Variants in OXR1 observed in about 807,000 individuals in gnomAD.
OXR1 encodes the protein oxidation resistance 1.
OXR1 carries 41 observed loss-of-function variants against 104.6 expected under a neutral mutation model. The observed-to-expected ratio is 0.39, with a 90% CI of 0.31 to 0.51. The LOEUF (loss-of-function observed/expected upper bound fraction) is 0.51, where lower values mean the gene tolerates loss of function less well. Among genes scored for constraint, OXR1 ranks in the 20% least tolerant of loss-of-function variants. The pLI, the probability that OXR1 is intolerant of heterozygous loss-of-function variation, is 0.77. For missense variants in OXR1, 955 were observed against 1,031.9 expected (o/e 0.93, Z 1.02); for synonymous variants, 348 against 348.4 (o/e 1.00, Z 0.01).
intron 3 of OXR1, among the ~76,000 whole-genome samples, chr8:106,604,002 G>A (rs1346917444): frequency 2.0e-5 from 3 of 152,102 alleles, no homozygotes; most frequent in South Asian, 4.1e-4. Flanking sequence ...GCAGTGAGCC[G>A]AGATAGTGCC....
intron 3 of OXR1, among the ~76,000 whole-genome samples, chr8:106,525,370 A>G (rs1813580403): frequency 6.6e-6 from 1 of 152,314 alleles, no homozygotes; most frequent in Admixed American, 6.5e-5. Flanking sequence ...CCTAGATAGG[A>G]TCCAGACCCA....
chr8:106,298,838 A>G (rs1360955292), intron 1 of OXR1, among the ~76,000 whole-genome samples: 1 of 152,178 alleles, frequency 6.6e-6, no homozygotes, highest in Non-Finnish European at 1.5e-5. Context: ...ACCTTTACTA[A>G]TCTGTCCAGA....
intron 7 of OXR1, among the ~76,000 whole-genome samples, chr8:106,701,268 CAT>C (rs1830563385): frequency 6.6e-6 from 1 of 152,228 alleles, no homozygotes; most frequent in Non-Finnish European, 1.5e-5. Flanking sequence ...TGCACACACA[CAT>C]ATACTCTTCT....
Position 106,689,249 on chromosome 8 carries a change from A to G in OXR1, c.526-3479A>G, listed in dbSNP as rs538121660. Among the ~76,000 whole-genome samples the G allele has an allele frequency of 1.7e-4, 26 of 152,090 alleles. No individual in the cohort carries two copies. In the South Asian group the frequency reaches 5.0e-3, roughly 29 times the overall value. On this transcript the variant is annotated intron_variant, in intron 6 of 16. Transcript: ENST00000517566. The stretch of plus-strand genomic sequence containing the variant: ...TTGCCAAGTATCATTGGCATTCCTT[A>G]TCTTGTAAATATATCACCACTTTCT...
intron 1 of OXR1, among the ~76,000 whole-genome samples, chr8:106,293,047 A>G (rs1000628792): frequency 2.0e-5 from 3 of 152,198 alleles, no homozygotes; most frequent in Admixed American, 1.3e-4. Flanking sequence ...AGGTAGCTGG[A>G]TCTGGGATAT....
At chr8:106,584,551 C>T (rs3101536) in intron 3 of OXR1, among the ~76,000 whole-genome samples, 52,239 of 151,858 alleles carry the variant, frequency 0.34, 9,355 homozygotes, top group African/African-American at 0.44. Flanking sequence ...TGACATAGGA[C>T]TTCTCTATAG....
At chr8:106,660,994 G>A (rs530883998) in intron 3 of OXR1, among the ~76,000 whole-genome samples, 264 of 151,518 alleles carry the variant, frequency 1.7e-3, no homozygotes, top group Admixed American at 3.9e-3. Flanking sequence ...GCCACAGAAC[G>A]AGACTCCATC....
intron 3 of OXR1, among the ~76,000 whole-genome samples, chr8:106,671,044 C>CAAAAAAAAAAAAAAAAAAAAAAAAA (rs60404483): frequency 3.5e-4 from 17 of 48,924 alleles, no homozygotes; most frequent in African/African-American, 9.8e-4. Context: ...GACTCTGTCT[C>CAAAAAAAAAAAAAAAAAAAAAAAAA]AAAAAAAAAA....
chr8:106,446,530 A>C (rs1178923480), intron 2 of OXR1, among the ~76,000 whole-genome samples: 2 of 151,768 alleles, frequency 1.3e-5, no homozygotes, highest in Non-Finnish European at 2.9e-5. Context: ...AGGCAAGAAA[A>C]TTGCTTGAAC....
At chr8:106,336,982 T>C (rs1057016625) in intron 1 of OXR1, among the ~76,000 whole-genome samples, 1 of 152,252 alleles carries the variant, frequency 6.6e-6, no homozygotes, top group African/African-American at 2.4e-5. Flanking sequence ...AATAAAACTG[T>C]ACTTATATTT....
chr8:106,429,558 G>A lies in OXR1; in HGVS notation c.23+69922G>A, dbSNP rs1367380496. 2.0e-5 allele frequency among the ~76,000 whole-genome samples: 3 copies of A among 151,708 alleles called. 1 individual carries two copies. The South Asian group carries it at 6.2e-4, about 31-fold the overall frequency. ...GCCTGTAATCCCAGCTACTTGAGGA[G>A]CCTGAGGCAGGAGAATCACTTGAAC... On this transcript the variant is annotated intron_variant, in intron 2 of 16. Transcript: ENST00000517566.
chr8:106,600,409 C>G (rs1819886286), intron 3 of OXR1, among the ~76,000 whole-genome samples: 1 of 152,176 alleles, frequency 6.6e-6, no homozygotes, highest in African/African-American at 2.4e-5. Flanking sequence ...GGCCTAGGTT[C>G]TTTCTTGAGC....
At chr8:106,378,580 G>T (rs1817002995) in intron 2 of OXR1, among the ~76,000 whole-genome samples, 1 of 152,152 alleles carries the variant, frequency 6.6e-6, no homozygotes, top group African/African-American at 2.4e-5. Flanking sequence ...CACGATCTCG[G>T]CTCACCACAA....
chr8:106,591,654 G>T (rs1052338698), intron 3 of OXR1, among the ~76,000 whole-genome samples: 2 of 152,154 alleles, frequency 1.3e-5, no homozygotes, highest in East Asian at 1.9e-4. Context: ...TAACACAGCT[G>T]GGAATCATAA....
chr8:106,362,121 C>T (rs1011866457), intron 2 of OXR1, among the ~76,000 whole-genome samples: 11 of 152,140 alleles, frequency 7.2e-5, no homozygotes, highest in African/African-American at 2.7e-4. Context: ...ATTAGCACTG[C>T]CAATGTTTGC....
intron 3 of OXR1, among the ~76,000 whole-genome samples, chr8:106,646,398 G>A (rs1035063508): frequency 3.9e-5 from 6 of 152,066 alleles, no homozygotes; most frequent in African/African-American, 7.2e-5. Context: ...ATGAGCCACC[G>A]CGCTTGGCCC....
chr8:106,570,288 CT>C (rs1207793935), intron 3 of OXR1, among the ~76,000 whole-genome samples: 1 of 152,126 alleles, frequency 6.6e-6, no homozygotes, highest in Non-Finnish European at 1.5e-5. Flanking sequence ...GGACCAATGA[CT>C]TTGTATTTTC....
At chr8:106,408,500 T>G (rs1270115002) in intron 2 of OXR1, among the ~76,000 whole-genome samples, 1 of 152,182 alleles carries the variant, frequency 6.6e-6, no homozygotes, top group African/African-American at 2.4e-5. Context: ...GGGGAGGGAA[T>G]AAGGGATGGC....
intron 2 of OXR1, among the ~76,000 whole-genome samples, chr8:106,455,740 C>G (rs1235576757): frequency 6.6e-6 from 1 of 152,172 alleles, no homozygotes; most frequent in Non-Finnish European, 1.5e-5. Context: ...ACTCTTTTGA[C>G]TCCCAGGATT....
Sources: allele counts gnomAD v4.1 joint callset (sites outside exome capture counted in the v4.1 genomes callset), GRCh38; gene constraint gnomAD v4.1.1; transcripts MANE v1.5; gene names NCBI Gene and HGNC (gene_info 2026-07-23, HGNC 2026-07-21).